The following AGBL1 variants were observed in gnomAD, a reference collection of about 807,000 sequenced individuals.
AGBL1 encodes cytosolic carboxypeptidase 4.
AGBL1 carries 130 observed loss-of-function variants against 118.9 expected under a neutral mutation model. That is an observed-to-expected ratio of 1.09 (90% CI 0.95 to 1.26). The LOEUF is 1.26. Ranked by LOEUF, AGBL1 falls within the 50% of genes most tolerant of loss-of-function variation. The probability of loss-of-function intolerance (pLI) is 0.00; values close to 1 mark genes in which losing one functional copy is unlikely to be tolerated. For synonymous variants in AGBL1, 555 were observed against 478.9 expected (o/e 1.16, Z -2.08); for missense variants, 1,584 against 1,298.1 (o/e 1.22, Z -3.38).
At chr15:86,166,569 C>A (rs2077345045) in intron 5 of AGBL1, among the ~76,000 whole-genome samples, 1 of 152,094 alleles carries the variant, frequency 6.6e-6, no homozygotes, top group Non-Finnish European at 1.5e-5. Context: ...GGCTCTAGTC[C>A]CTGTTTCTCA....
chr15:86,857,410 A>G (rs1381659144), intron 22 of AGBL1, among the ~76,000 whole-genome samples: 1 of 152,076 alleles, frequency 6.6e-6, no homozygotes, highest in African/African-American at 2.4e-5. Flanking sequence ...GCCCACATCC[A>G]TGCCTCCTTG....
Position 86,574,146 on chromosome 15 carries a change from T to C in AGBL1, c.2994+19609T>C, listed in dbSNP as rs534048304. Among the ~76,000 whole-genome samples, 4 of 152,354 alleles carry C rather than the reference T, an allele frequency of 2.6e-5. No individual in the cohort carries two copies. In the South Asian group the frequency reaches 8.3e-4, roughly 32 times the overall value. On this transcript the variant is annotated intron_variant, in intron 21 of 22. Transcript: ENST00000614907. Reference sequence around the variant, plus strand: ...AAGCAGTCAAGGAGGTCCACTCAGCTATGTGGGCTATTGCTGGATAGGCTG... The same window carrying C: ...AAGCAGTCAAGGAGGTCCACTCAGCCATGTGGGCTATTGCTGGATAGGCTG...
intron 22 of AGBL1, among the ~76,000 whole-genome samples, chr15:86,901,135 G>A (rs1321101953): frequency 6.6e-6 from 1 of 152,034 alleles, no homozygotes; most frequent in Non-Finnish European, 1.5e-5. Context: ...ATGACCATTC[G>A]ATGGTTTTCC....
chr15:86,448,865 A>G (rs2082159248), intron 18 of AGBL1, among the ~76,000 whole-genome samples: 1 of 152,144 alleles, frequency 6.6e-6, no homozygotes, highest in African/African-American at 2.4e-5. Flanking sequence ...AAAAAAGGAG[A>G]AGCTGATTTC....
At chr15:86,635,487 T>C (rs1240140282) in intron 21 of AGBL1, among the ~76,000 whole-genome samples, 1 of 151,752 alleles carries the variant, frequency 6.6e-6, no homozygotes, top group African/African-American at 2.4e-5. Context: ...CAACTCACTG[T>C]TTTGGCTCTC....
At chr15:86,806,598 T>G (rs1256807566) in intron 22 of AGBL1, among the ~76,000 whole-genome samples, 1 of 152,130 alleles carries the variant, frequency 6.6e-6, no homozygotes, top group Admixed American at 6.6e-5. Context: ...TTAAGCAAGC[T>G]TCTTAACCTC....
chr15:86,198,602 G>T (rs2077853413), intron 5 of AGBL1, among the ~76,000 whole-genome samples: 1 of 152,104 alleles, frequency 6.6e-6, no homozygotes. Flanking sequence ...GATTAAATTA[G>T]ATCATAAGGG....
intron 22 of AGBL1, among the ~76,000 whole-genome samples, chr15:86,880,595 T>A (rs1385890192): frequency 1.3e-5 from 2 of 152,264 alleles, no homozygotes; most frequent in East Asian, 3.9e-4. Context: ...TGGCAGTGAC[T>A]ATGTGTGCAT....
chr15:86,874,023 A>T (rs939108890), intron 22 of AGBL1, among the ~76,000 whole-genome samples: 3 of 152,144 alleles, frequency 2.0e-5, no homozygotes, highest in Non-Finnish European at 4.4e-5. Context: ...TCAGTTTTTA[A>T]ATCTCTGTAA....
intron 18 of AGBL1, among the ~76,000 whole-genome samples, chr15:86,486,518 T>C (rs571836376): frequency 6.6e-6 from 1 of 152,134 alleles, no homozygotes; most frequent in African/African-American, 2.4e-5. Flanking sequence ...TCTGTCTGAT[T>C]TGGTTTTAAA....
intron 22 of AGBL1, among the ~76,000 whole-genome samples, chr15:86,848,465 T>C (rs571082284): frequency 6.2e-4 from 94 of 152,330 alleles, no homozygotes; most frequent in Non-Finnish European, 1.1e-3. Flanking sequence ...TGAAATTCTC[T>C]GCTCATTTCT....
At chr15:86,906,431 C>G (rs1277363267) in intron 22 of AGBL1, among the ~76,000 whole-genome samples, 1 of 151,894 alleles carries the variant, frequency 6.6e-6, no homozygotes, top group Non-Finnish European at 1.5e-5. Flanking sequence ...AGCACAAACA[C>G]TGTAGAAGCA....
rs71144033 is a variant in AGBL1, at chr15:86,236,845, C to CG, written c.527-10822dup. Among the ~76,000 whole-genome samples, 4 of 149,082 alleles carry CG rather than the reference C, an allele frequency of 2.7e-5. No individual in the cohort carries two copies. In the East Asian group the frequency reaches 8.1e-4, roughly 30 times the overall value. On this transcript the variant is annotated intron_variant, in intron 6 of 22. Transcript: ENST00000614907. ...GACCAGGCGTGTCATTCACATAGCC[C>CG]GGGGAAAAAACTGACCCTCCCACCC...
chr15:86,667,039 G>C (rs906798578), intron 21 of AGBL1, among the ~76,000 whole-genome samples: 6 of 152,058 alleles, frequency 3.9e-5, no homozygotes, highest in African/African-American at 1.5e-4. Context: ...ATTTTCTTCT[G>C]TTCTCTGCCC....
chr15:86,988,911 T>C (rs969418277), intron 24 of AGBL1, among the ~76,000 whole-genome samples: 3 of 152,154 alleles, frequency 2.0e-5, no homozygotes, highest in African/African-American at 7.2e-5. Context: ...TTTTTCTTAC[T>C]TGAATGGCTA....
At chr15:86,377,784 A>G (rs2081060215) in intron 17 of AGBL1, among the ~76,000 whole-genome samples, 1 of 152,110 alleles carries the variant, frequency 6.6e-6, no homozygotes, top group Non-Finnish European at 1.5e-5. Flanking sequence ...TACACCAGGG[A>G]TTCAAGGACC....
chr15:87,002,184 G>T (rs560699158), intron 24 of AGBL1, among the ~76,000 whole-genome samples: 1 of 152,090 alleles, frequency 6.6e-6, no homozygotes, highest in Non-Finnish European at 1.5e-5. Context: ...TCCAGTTTCA[G>T]CTTTCTACAG....
chr15:86,855,322 A>T (rs112975226), intron 22 of AGBL1, among the ~76,000 whole-genome samples: 2,644 of 152,366 alleles, frequency 0.017, 40 homozygotes, highest in South Asian at 0.065. Context: ...CAAGTAGCTT[A>T]GTATAAAGCC....
intron 1 of AGBL1, among the ~76,000 whole-genome samples, chr15:86,111,349 G>A (rs1031013613): frequency 6.6e-6 from 1 of 152,230 alleles, no homozygotes; most frequent in African/African-American, 2.4e-5. Flanking sequence ...CAAGATTCTG[G>A]TGTATGTGTG....
Sources: allele counts gnomAD v4.1 joint callset (sites outside exome capture counted in the v4.1 genomes callset), GRCh38; gene constraint gnomAD v4.1.1; transcripts MANE v1.5; gene names NCBI Gene and HGNC (gene_info 2026-07-23, HGNC 2026-07-21).